UBE2D2: variants seen among roughly 807,000 people sequenced by gnomAD.
The protein encoded by UBE2D2 is ubiquitin conjugating enzyme E2 D2, also known as ubiquitin-conjugating enzyme E2 D2.
UBE2D2 carries 2 observed loss-of-function variants against 24.2 expected under a neutral mutation model. That is an observed-to-expected ratio of 0.08 (90% confidence interval 0.03 to 0.26). UBE2D2 has a LOEUF of 0.26. Among genes scored for constraint, UBE2D2 ranks in the 10% least tolerant of loss-of-function variants. The pLI is 1.00. For missense variants in UBE2D2, 44 were observed against 177.6 expected, an observed-to-expected ratio of 0.25 and a Z score of 4.28; for synonymous variants, 58 against 56.5, an observed-to-expected ratio of 1.03 and a Z score of -0.12.
At chr5:139,550,310 C>T (rs2126638406) in intron 1 of UBE2D2, among the ~76,000 whole-genome samples, 2 of 152,192 alleles carry the variant, frequency 1.3e-5, no homozygotes, top group East Asian at 3.9e-4. Flanking sequence ...AGAACTTTTA[C>T]CTCAGGCTGG....
At chr5:139,574,735 C>CAAAAAAAAAAAAAAAA (rs75539434) in intron 1 of UBE2D2, among the ~76,000 whole-genome samples, 2 of 70,750 alleles carry the variant, frequency 2.8e-5, no homozygotes, top group Non-Finnish European at 6.1e-5. Context: ...GGTGGGGTGG[C>CAAAAAAAAAAAAAAAA]AAAAAAAAAA....
At chr5:139,529,941 G>A (rs750747382) in intron 1 of UBE2D2, among the ~76,000 whole-genome samples, 42 of 152,274 alleles carry the variant, frequency 2.8e-4, no homozygotes, top group Non-Finnish European at 4.4e-4. Flanking sequence ...TGGGAAGCCC[G>A]AAAATTAGTT....
At chr5:139,552,702 G>T (rs1443805854) in intron 1 of UBE2D2, among the ~76,000 whole-genome samples, 4 of 113,298 alleles carry the variant, frequency 3.5e-5, no homozygotes, top group African/African-American at 1.3e-4. Flanking sequence ...TTTTTTTTGA[G>T]ACAGAGTTTC....
intron 1 of UBE2D2, among the ~76,000 whole-genome samples, chr5:139,597,411 G>A (rs1037434598): frequency 2.6e-5 from 4 of 152,178 alleles, no homozygotes; most frequent in African/African-American, 9.7e-5. Context: ...TTGAATGAGT[G>A]TGTTAAATGT....
intron 1 of UBE2D2, among the ~76,000 whole-genome samples, chr5:139,529,988 A>G (rs887223808): frequency 6.6e-6 from 1 of 152,154 alleles, no homozygotes; most frequent in African/African-American, 2.4e-5. Context: ...CCCAGCCCAA[A>G]AGAACCACCC....
At chr5:139,605,821 C>T (rs1754187198) in intron 2 of UBE2D2, among the ~76,000 whole-genome samples, 1 of 151,638 alleles carries the variant, frequency 6.6e-6, no homozygotes, top group East Asian at 1.9e-4. Flanking sequence ...TCACTGAAGC[C>T]TCAAACTCCT....
At chr5:139,544,582 G>A (rs1040004465) in intron 1 of UBE2D2, among the ~76,000 whole-genome samples, 2 of 149,840 alleles carry the variant, frequency 1.3e-5, no homozygotes, top group East Asian at 2.0e-4. Flanking sequence ...GAGCCACTGC[G>A]CCCTGCCAAG....
chr5:139,606,897 C>T (rs750166043), intron 2 of UBE2D2, among the ~76,000 whole-genome samples: 1 of 152,120 alleles, frequency 6.6e-6, no homozygotes, highest in Non-Finnish European at 1.5e-5. Context: ...CTCTGCCTCC[C>T]GGGTTCAAGC....
intron 1 of UBE2D2, among the ~76,000 whole-genome samples, chr5:139,552,318 A>G (rs1419210979): frequency 6.6e-6 from 1 of 151,976 alleles, no homozygotes; most frequent in African/African-American, 2.4e-5. Context: ...GTGCACCACC[A>G]CGCCTGGCTA....
Position 139,588,263 on chromosome 5 carries a change from T to C in UBE2D2, c.25-12109T>C, listed in dbSNP as rs371569473. 3.4e-4 allele frequency among the ~76,000 whole-genome samples: 52 copies of C among 151,988 alleles called. 1 individual carries two copies. The Middle Eastern group carries it at 0.01, about 30-fold the overall frequency. ...CTTGTTTAGCGTTTTTTTTTTTGTTTTGTTTTGTTTTGTTTTGAGACAGAG... is the reference window on the plus strand; with the variant it reads ...CTTGTTTAGCGTTTTTTTTTTTGTTCTGTTTTGTTTTGTTTTGAGACAGAG... On this transcript the variant is annotated intron_variant, in intron 1 of 6. Transcript: ENST00000398733.
intron 1 of UBE2D2, among the ~76,000 whole-genome samples, chr5:139,598,606 G>A (rs1339396732): frequency 1.4e-5 from 2 of 142,224 alleles, no homozygotes; most frequent in African/African-American, 5.3e-5. Flanking sequence ...TGTCACCCAG[G>A]CTGGAGTGCA....
chr5:139,546,765 C>G (rs893567417), intron 1 of UBE2D2, among the ~76,000 whole-genome samples: 1 of 151,996 alleles, frequency 6.6e-6, no homozygotes, highest in African/African-American at 2.4e-5. Context: ...GAATTACAGG[C>G]GTGAGCCACC....
At chr5:139,542,928 G>A (rs979248653) in intron 1 of UBE2D2, among the ~76,000 whole-genome samples, 6 of 152,064 alleles carry the variant, frequency 3.9e-5, no homozygotes, top group African/African-American at 1.2e-4. Context: ...AGACGGAGTC[G>A]CTCTGTCGTC....
At chr5:139,554,566 A>G (rs1300767750) in intron 1 of UBE2D2, among the ~76,000 whole-genome samples, 2 of 152,192 alleles carry the variant, frequency 1.3e-5, no homozygotes, top group African/African-American at 4.8e-5. Context: ...GTGTTATTCC[A>G]TCCTCCTGTG....
At chr5:139,561,226 AG>A (rs1016725643), upstream of UBE2D2, 5 of 152,330 alleles carry the variant, frequency 3.3e-5, no homozygotes, top group African/African-American at 1.2e-4. Flanking sequence ...GCTTACTCAC[AG>A]GGGCGGCCCG....
At chr5:139,560,466 G>T (rs190001050), upstream of UBE2D2, among the ~76,000 whole-genome samples, 1 of 152,228 alleles carries the variant, frequency 6.6e-6, no homozygotes, top group East Asian at 1.9e-4. Flanking sequence ...AAAGTGCTGG[G>T]ATTACAGGCG....
chr5:139,595,311 A>G (rs981529404), intron 1 of UBE2D2, among the ~76,000 whole-genome samples: 1 of 152,112 alleles, frequency 6.6e-6, no homozygotes, highest in Non-Finnish European at 1.5e-5. Context: ...TAGAGATATC[A>G]GTTTTATAGA....
At chr5:139,557,777 C>T (rs1460897529), upstream of UBE2D2, among the ~76,000 whole-genome samples, 2 of 151,922 alleles carry the variant, frequency 1.3e-5, no homozygotes. Flanking sequence ...AACCAATATC[C>T]CTCATGAACA....
intron 1 of UBE2D2, among the ~76,000 whole-genome samples, chr5:139,597,016 AG>A (rs1753976924): frequency 6.6e-6 from 1 of 152,028 alleles, no homozygotes; most frequent in Non-Finnish European, 1.5e-5. Flanking sequence ...CACTGCATCC[AG>A]CCTGAGCAAC....
Sources: gnomAD v4.1 joint callset for allele counts (sites outside exome capture counted in the v4.1 genomes callset) on GRCh38, gnomAD v4.1.1 for gene constraint, MANE v1.5 for transcripts, NCBI Gene and HGNC (gene_info 2026-07-23, HGNC 2026-07-21) for gene names.